AGTPBP1: variants seen among roughly 807,000 people sequenced by gnomAD.
AGTPBP1 encodes the protein cytosolic carboxypeptidase 1.
AGTPBP1 carries 70 observed loss-of-function variants against 143.9 expected under a neutral mutation model. That is an observed-to-expected ratio of 0.49 (90% CI 0.40 to 0.59). The LOEUF (loss-of-function observed/expected upper bound fraction) is 0.59, where lower values mean the gene tolerates loss of function less well. Among genes scored for constraint, AGTPBP1 ranks in the 20% least tolerant of loss-of-function variants. The pLI is 0.00. For synonymous variants in AGTPBP1, 463 were observed against 500.2 expected (o/e 0.93, Z 0.99); for missense variants, 1,229 against 1,464.5 (o/e 0.84, Z 2.62).
At chr9:85,679,347 C>A (rs920197841) in intron 4 of AGTPBP1, among the ~76,000 whole-genome samples, 1 of 152,046 alleles carries the variant, frequency 6.6e-6, no homozygotes, top group Non-Finnish European at 1.5e-5. Context: ...CTGAGCATAG[C>A]CTTTACATGG....
At chr9:85,625,709 C>A (rs1367475092) in intron 14 of AGTPBP1, among the ~76,000 whole-genome samples, 1 of 151,516 alleles carries the variant, frequency 6.6e-6, no homozygotes, top group Non-Finnish European at 1.5e-5. Flanking sequence ...CACAGTGAAA[C>A]CCCATCTCTA....
upstream of AGTPBP1, among the ~76,000 whole-genome samples, chr9:85,744,604 G>T (rs1255716606): frequency 6.6e-6 from 1 of 152,206 alleles, no homozygotes; most frequent in Admixed American, 6.5e-5. Context: ...GTTCCCAGTT[G>T]CCCGCTTCAC....
At chr9:85,624,101 A>G (rs550919746) in intron 14 of AGTPBP1, among the ~76,000 whole-genome samples, 37 of 152,344 alleles carry the variant, frequency 2.4e-4, no homozygotes, top group Admixed American at 1.2e-3. Flanking sequence ...GGGCAACACT[A>G]TAAGAAATCA....
chr9:85,746,009 C>G (rs775356688), upstream of AGTPBP1, among the ~76,000 whole-genome samples: 6 of 152,178 alleles, frequency 3.9e-5, no homozygotes, highest in Non-Finnish European at 8.8e-5. Context: ...CACTTCCCTT[C>G]TCTTTGTCAG....
chr9:85,698,755 C>T (rs190158150), intron 2 of AGTPBP1, among the ~76,000 whole-genome samples: 4 of 129,060 alleles, frequency 3.1e-5, no homozygotes, highest in Non-Finnish European at 4.6e-5. Context: ...TGCAGTGGCG[C>T]GATCTTGGCT....
the AGTPBP1 span, among the ~76,000 whole-genome samples, chr9:85,759,988 C>T: frequency 1.3e-5 from 2 of 152,092 alleles, no homozygotes; most frequent in Admixed American, 6.5e-5. Flanking sequence ...ATACTATAAA[C>T]ACCTCTACGC....
At chr9:85,703,785 G>A (rs1418115247) in intron 2 of AGTPBP1, among the ~76,000 whole-genome samples, 1 of 152,166 alleles carries the variant, frequency 6.6e-6, no homozygotes, top group African/African-American at 2.4e-5. Context: ...ATTGTCCAAG[G>A]ACACTGTATA....
chr9:85,753,182 C>T, the AGTPBP1 span: 3 of 1,340,300 alleles, frequency 2.2e-6, no homozygotes, highest in Non-Finnish European at 3.0e-6. Flanking sequence ...TGCCACTGCA[C>T]TCCAGCCTGG....
chr9:85,614,017 C>T (rs1174166701), intron 17 of AGTPBP1, among the ~76,000 whole-genome samples: 2 of 151,640 alleles, frequency 1.3e-5, no homozygotes, highest in East Asian at 3.9e-4. Context: ...TTGATAAATG[C>T]AAAAAAATTC....
the AGTPBP1 span, among the ~76,000 whole-genome samples, chr9:85,773,308 T>C: frequency 7.2e-6 from 1 of 139,244 alleles, no homozygotes; most frequent in African/African-American, 2.7e-5. Context: ...CAATTCAGAA[T>C]TCCAACAAAT....
chr9:85,672,402 G>T, intron 7 of AGTPBP1, 148 bp downstream of exon 7: 2 of 895,102 alleles, frequency 2.2e-6, no homozygotes, highest in Non-Finnish European at 3.3e-6. Flanking sequence ...CTTTTGTTGT[G>T]GTTGGAGTCA....
chr9:85,640,281 T>C (rs1442053215), intron 13 of AGTPBP1, among the ~76,000 whole-genome samples: 1 of 152,194 alleles, frequency 6.6e-6, no homozygotes, highest in East Asian at 1.9e-4. Flanking sequence ...AAATAATGCA[T>C]TCCTTTGAAA....
chr9:85,594,735 G>A (rs1319419081), intron 18 of AGTPBP1, among the ~76,000 whole-genome samples: 1 of 152,082 alleles, frequency 6.6e-6, no homozygotes, highest in East Asian at 1.9e-4. Context: ...CAAAAGAAAA[G>A]ACAGAACCTA....
Position 85,655,135 on chromosome 9 carries a change from G to A in AGTPBP1, c.1087+8C>T, listed in dbSNP as rs779549447. 1.2e-5 allele frequency: 20 copies of A among 1,602,582 alleles called. No homozygotes were observed. On this transcript the variant is annotated splice_region_variant and intron_variant, in intron 11 of 25. Coordinates refer to ENST00000357081, the MANE Select transcript of AGTPBP1 (RefSeq NM_001330701.2). Reference sequence around the variant, plus strand: ...CCACAAAAAGCAGCAGTGACCCTGTGATCCTACCTTCAGGAGGTAAGCTGT... The same window carrying A: ...CCACAAAAAGCAGCAGTGACCCTGTAATCCTACCTTCAGGAGGTAAGCTGT...
intron 13 of AGTPBP1, among the ~76,000 whole-genome samples, chr9:85,639,495 A>G (rs1425219772): frequency 1.3e-5 from 2 of 152,226 alleles, no homozygotes; most frequent in African/African-American, 4.8e-5. Context: ...AAAAGTCAAG[A>G]CACAGCACTT....
At position 85,547,149 on chromosome 9, in the gene AGTPBP1, ACTT is replaced by A. The variant is rs1825780124; in HGVS notation, c.3638_3640del (p.Glu1213del). 1 of 1,612,936 alleles carries A rather than the reference ACTT, an allele frequency of 6.2e-7. No homozygotes were observed. The highest frequency in any genetic ancestry group is 1.1e-5 in the South Asian group (1 of 90,902). ...TCTTGATAATTCAGAGTCAGAAAGT[ACTT>A]CTTCTTGAGCAGAAGGTTCATAATC... is the stretch of plus-strand genomic sequence containing the variant. On this transcript the variant is annotated inframe_deletion, in exon 26 of 26. Coordinates refer to ENST00000357081, the MANE Select transcript of AGTPBP1 (RefSeq NM_001330701.2).
At chr9:85,568,585 G>A (rs1347896821) in intron 25 of AGTPBP1, among the ~76,000 whole-genome samples, 1 of 152,152 alleles carries the variant, frequency 6.6e-6, no homozygotes, top group Non-Finnish European at 1.5e-5. Flanking sequence ...AAGCACACGA[G>A]TGACTAGTGC....
intron 13 of AGTPBP1, among the ~76,000 whole-genome samples, chr9:85,635,401 G>T (rs1587792142): frequency 1.3e-5 from 2 of 152,148 alleles, no homozygotes; most frequent in African/African-American, 4.8e-5. Context: ...GAAATAGGTA[G>T]ATCTACCTTA....
At chr9:85,663,245 C>G (rs757257644) in intron 8 of AGTPBP1, among the ~76,000 whole-genome samples, 1 of 152,038 alleles carries the variant, frequency 6.6e-6, no homozygotes, top group Non-Finnish European at 1.5e-5. Flanking sequence ...ACTACTAAGG[C>G]TGGGAAAAAG....
Sources: gnomAD v4.1 joint callset for allele counts (sites outside exome capture counted in the v4.1 genomes callset) on GRCh38, gnomAD v4.1.1 for gene constraint, MANE v1.5 for transcripts, NCBI Gene and HGNC (gene_info 2026-07-23, HGNC 2026-07-21) for gene names.